The following BEST2 variants were observed in gnomAD, a reference collection of about 807,000 sequenced individuals.
BEST2 encodes bestrophin-2a.
A neutral mutation model predicts 49.0 loss-of-function variants in BEST2; 36 were observed. The ratio of observed to expected loss-of-function variants is 0.73; its 90% CI spans 0.56 to 0.97. The LOEUF (loss-of-function observed/expected upper bound fraction) is 0.97. Among genes scored for constraint, BEST2 ranks in the 50% least tolerant of loss-of-function variants. BEST2 has a pLI of 0.00. For synonymous variants in BEST2, 335 were observed against 304.4 expected (o/e 1.10, Z -1.05); for missense variants, 672 against 710.0 (o/e 0.95, Z 0.61).
In BEST2 at chr19:12,755,792, T is replaced by C. The variant is rs1229780498; in HGVS notation, c.867+25T>C. ...GGTAGGTGGGTGATCCAGGCTGGAA[T>C]TTCGTGGGTGGGGCGGGCATGGGGT... On this transcript the variant is annotated intron_variant, in intron 7 of 9. Transcript: ENST00000553030. The surrounding 1 kb of genome is among the most constrained non-coding windows in gnomAD (Gnocchi z 4.4). The C allele has an allele frequency of 1.9e-6, 3 of 1,613,734 alleles. No homozygotes were observed. Among genetic ancestry groups the C allele is most frequent in the South Asian group, 1.1e-5 (1 of 91,074 alleles).
In BEST2 at chr19:12,755,071, G is replaced by A; in HGVS notation, c.636+40G>A. ...GAGGTCATTCATATAGAATACCAGG[G>A]AAATTGTACCCCTGGAGCTGTGTCA... On this transcript the variant is annotated intron_variant, in intron 5 of 9. Coordinates refer to ENST00000553030, the MANE Select transcript of BEST2 (RefSeq NM_017682.3). The surrounding 1 kb of genome is among the most constrained non-coding windows in gnomAD (Gnocchi z 4.4). 1.3e-6 allele frequency: 2 copies of A among 1,562,460 alleles called. No individual in the cohort carries two copies. The highest frequency in any genetic ancestry group is 1.7e-6 in the Non-Finnish European group (2 of 1,158,782).
intron 1 of BEST2, among the ~76,000 whole-genome samples, 179 bp from the exon 2 acceptor site, chr19:12,752,363 G>C (rs1166722393): frequency 6.6e-6 from 1 of 151,936 alleles, no homozygotes; most frequent in African/African-American, 2.4e-5. Flanking sequence ...CAGGAGTCCA[G>C]GGAAGGGGAC....
At chr19:12,756,684 C>T (rs535036088) in intron 9 of BEST2, 2 of 211,358 alleles carry the variant, frequency 9.5e-6, no homozygotes, top group East Asian at 2.5e-4. Flanking sequence ...CCCGTCTCTA[C>T]TAAAAATAAA....
At chr19:12,753,082 C>T (rs1967890603) in intron 2 of BEST2, among the ~76,000 whole-genome samples, 178 bp from the exon 3 acceptor site, 1 of 151,960 alleles carries the variant, frequency 6.6e-6, no homozygotes, top group African/African-American at 2.4e-5. Flanking sequence ...AACTTCTGAC[C>T]TCAAGTGATC....
rs1283397117 is a variant in BEST2, at chr19:12,757,827, C to CGT, written c.1281_1282dup (p.Ser428CysfsTer58). The CGT allele has an allele frequency of 6.5e-7, 1 of 1,548,934 alleles. No individual in the cohort carries two copies. The highest frequency in any genetic ancestry group is 1.4e-5 in the African/African-American group (1 of 72,996). On this transcript the variant is annotated frameshift_variant, in exon 10 of 10. Transcript: ENST00000553030. LOFTEE classifies it low-confidence loss of function (END_TRUNC). Reference sequence around the variant, plus strand: ...CGCAAGAACAGCTGCGTGTCGGAGGCGTCTACTGGGGCCAGCTGCTCATGC... The same window carrying CGT: ...CGCAAGAACAGCTGCGTGTCGGAGGCGTGTCTACTGGGGCCAGCTGCTCATGC...
intron 2 of BEST2, 133 bp downstream of exon 2, chr19:12,752,877 C>A: frequency 1.4e-6 from 1 of 712,694 alleles, no homozygotes; most frequent in South Asian, 5.9e-5. Context: ...GAGATGGAGT[C>A]TCACTCTGTC....
rs754404524 is a variant in BEST2 at position 12,757,771 on chromosome 19, C to G, written c.1224C>G (p.Gly408=). ...CGGGCGCGGGCATGGTCGCGGGAGG[C>G]CCGCTGGGCCGGCGCCTGTCCTTTC... ...LPAGAGMVAG[G]PLGRRLSFLL... Residue 408 remains glycine, a synonymous_variant, in exon 10 of 10, where the codon GGC becomes GGG. Transcript: ENST00000553030. 1 of 1,545,214 alleles carries G rather than the reference C, an allele frequency of 6.5e-7. No homozygotes were observed. The highest frequency in any genetic ancestry group is 1.4e-5 in the African/African-American group (1 of 72,884).
At chr19:12,757,282 C>T (rs1230971305) in intron 9 of BEST2, among the ~76,000 whole-genome samples, 1 of 151,860 alleles carries the variant, frequency 6.6e-6, no homozygotes. Flanking sequence ...TGTGGTGGCA[C>T]GCACCTGTAG....
intron 3 of BEST2, among the ~76,000 whole-genome samples, chr19:12,753,744 C>G (rs969290687): frequency 6.6e-6 from 1 of 152,138 alleles, no homozygotes; most frequent in Non-Finnish European, 1.5e-5. Context: ...TCTGACAAGT[C>G]TTGGACCCCT....
chr19:12,755,418 C>A lies in BEST2; in HGVS notation c.676C>A (p.His226Asn). The A allele has an allele frequency of 6.2e-7, 1 of 1,614,208 alleles. No individual in the cohort carries two copies. The highest frequency in any genetic ancestry group is 1.3e-5 in the African/African-American group (1 of 75,042). The change falls in exon 6 of 10, where the codon CAC becomes AAC. Residue 226 changes from histidine (H) to asparagine (N), a missense_variant. Coordinates refer to ENST00000553030, the MANE Select transcript of BEST2 (RefSeq NM_017682.3). This position sits in a 1 kb window ranked among gnomAD's most constrained non-coding sequence, Gnocchi z 4.4. ...TCGGGGCAAATGTGGAATGCTCTTT[C>A]ACTATGACTGGATTAGCGTACCCCT... ...VFRGKCGMLFHYDWISVPLVY... is the reference protein window; with the variant it reads ...VFRGKCGMLFNYDWISVPLVY...
rs768798838 is a variant in BEST2 at position 12,757,675 on chromosome 19, C to T, written c.1128C>T (p.Phe376=). 9.1e-6 allele frequency: 14 copies of T among 1,543,472 alleles called. 1 individual carries two copies. The South Asian group carries it at 1.7e-4, about 18-fold the overall frequency. ...DITLAKEDMQ[F]QRLDGLDGPM... is the part of the protein sequence containing the mutation. ...GGCTGGCCAAAGAAGACATGCAGTT[C>T]CAGCGGCTGGACGGCTTGGATGGAC... is the stretch of plus-strand genomic sequence containing the variant. Residue 376 remains phenylalanine (F), a synonymous_variant, in exon 10 of 10, where the codon TTC becomes TTT. Transcript: ENST00000553030.
rs1438752808 is a variant in BEST2, at chr19:12,757,704, T to C, written c.1157T>C (p.Met386Thr). Residue 386 changes from methionine to threonine, a missense_variant, in exon 10 of 10, where the codon ATG becomes ACG. Transcript: ENST00000553030. ...FQRLDGLDGPMGEAPGDFLQR... is the reference protein window; with the variant it reads ...FQRLDGLDGPTGEAPGDFLQR... ...CGGCTGGACGGCTTGGATGGACCGA[T>C]GGGAGAGGCGCCCGGCGACTTCCTG... The C allele has an allele frequency of 5.2e-6, 8 of 1,546,332 alleles. No homozygotes were observed. The African/African-American group carries it at 6.8e-5, about 13-fold the overall frequency.
intron 8 of BEST2, 55 bp from the exon 9 acceptor site, chr19:12,756,086 G>T (rs1967940722): frequency 1.9e-6 from 3 of 1,610,294 alleles, no homozygotes; most frequent in Non-Finnish European, 2.5e-6. Context: ...GGTCCACCCT[G>T]TGGTCCCGGC....
At position 12,752,730 on chromosome 19, in the gene BEST2, G is replaced by C; in HGVS notation, c.138G>C (p.Leu46=). 2 of 1,611,954 alleles carry C rather than the reference G, an allele frequency of 1.2e-6. No homozygotes were observed. Among genetic ancestry groups the C allele is most frequent in the Non-Finnish European group, 1.7e-6 (2 of 1,179,676 alleles). The change falls in exon 2 of 10, where the codon CTG becomes CTC. Residue 46 remains leucine, a synonymous_variant. Coordinates refer to ENST00000553030, the MANE Select transcript of BEST2 (RefSeq NM_017682.3). ...GCTTCCTTGGGTTCTACATGGCGCT[G>C]AGTGCTGCCTACCGGTGAGGCTGCC... ...LLCFLGFYMA[L]SAAYRFVLTE... is the part of the protein sequence containing the mutation.
chr19:12,752,744 G>A lies in BEST2; in HGVS notation c.152G>A (p.Arg51His), dbSNP rs376542599. Residue 51 changes from arginine to histidine, a missense_variant and splice_region_variant, in exon 2 of 10, where the codon CGC becomes CAC. Physicochemically the swap from Arg to His is conservative, Grantham distance 29. Around this residue, in one of 3 missense-constraint regions of BEST2, gnomAD observed 365 missense variants for 390.9 expected, o/e 0.93. Coordinates refer to ENST00000553030, the MANE Select transcript of BEST2 (RefSeq NM_017682.3). ...TACATGGCGCTGAGTGCTGCCTACC[G>A]GTGAGGCTGCCCTGAGGTGCTCATG... is the stretch of plus-strand genomic sequence containing the variant. ...GFYMALSAAY[R>H]FVLTEGQKRY... 1.1e-5 allele frequency: 17 copies of A among 1,610,790 alleles called. No individual in the cohort carries two copies. The highest frequency in any genetic ancestry group is 6.7e-5 in the African/African-American group (5 of 74,692).
chr19:12,758,257 G>A lies in BEST2; in HGVS notation c.*180G>A. The A allele has an allele frequency of 1.3e-6, 1 of 745,600 alleles. No individual in the cohort carries two copies. Among genetic ancestry groups the A allele is most frequent in the South Asian group, 1.9e-5 (1 of 53,448 alleles). 46.2% of individuals were successfully genotyped at this position (745,600 alleles called of 1,614,324 possible). On this transcript the variant is annotated 3_prime_UTR_variant, in exon 10 of 10. Coordinates refer to ENST00000553030, the MANE Select transcript of BEST2 (RefSeq NM_017682.3). ...GGGGCGGGAGTTCTTCCAGACTCTT[G>A]GACCAGCCCGCCCTGACCACCAGCT...
Position 12,755,850 on chromosome 19 carries a change from C to T in BEST2, c.868-5C>T. ...TTTCCACCTAACTGCTCCCTCTCCT[C>T]TCAGGTAGCTGAGCAGCTCATCAAC... On this transcript the variant is annotated splice_polypyrimidine_tract_variant and splice_region_variant and intron_variant, in intron 7 of 9. Coordinates refer to ENST00000553030, the MANE Select transcript of BEST2 (RefSeq NM_017682.3). The surrounding 1 kb of genome is among the most constrained non-coding windows in gnomAD (Gnocchi z 4.4). The T allele has an allele frequency of 6.2e-7, 1 of 1,614,166 alleles. No homozygotes were observed. Among genetic ancestry groups the T allele is most frequent in the Non-Finnish European group, 8.5e-7 (1 of 1,179,992 alleles).
chr19:12,752,133 G>A (rs1967875696), intron 1 of BEST2, among the ~76,000 whole-genome samples: 2 of 152,070 alleles, frequency 1.3e-5, no homozygotes, highest in Non-Finnish European at 2.9e-5. Flanking sequence ...GGGAGCTGGG[G>A]AAGTGGAGAA....
Position 12,755,722 on chromosome 19 carries a change from C to T in BEST2, c.822C>T (p.Pro274=). 1 of 1,614,136 alleles carries T rather than the reference C, an allele frequency of 6.2e-7. No individual in the cohort carries two copies. The highest frequency in any genetic ancestry group is 8.5e-7 in the Non-Finnish European group (1 of 1,180,018). The change falls in exon 7 of 10, where the codon CCC becomes CCT. Residue 274 remains proline, a synonymous_variant. Coordinates refer to ENST00000553030, the MANE Select transcript of BEST2 (RefSeq NM_017682.3). The surrounding 1 kb of genome is among the most constrained non-coding windows in gnomAD (Gnocchi z 4.4). ...YKDHDLDLCV[P]IFTLLQFFFY... ...ACCACGACCTAGACCTGTGTGTGCCCATCTTCACCCTCTTGCAGTTCTTCT... is the reference window on the plus strand; with the variant it reads ...ACCACGACCTAGACCTGTGTGTGCCTATCTTCACCCTCTTGCAGTTCTTCT...
Sources: allele counts gnomAD v4.1 joint callset (sites outside exome capture counted in the v4.1 genomes callset), GRCh38; gene constraint gnomAD v4.1.1; regional missense constraint gnomAD v4.1.1; non-coding constraint Gnocchi (gnomAD v3.1); transcripts MANE v1.5; gene names NCBI Gene and HGNC (gene_info 2026-07-23, HGNC 2026-07-21).